Variants in FLT1 observed in about 807,000 individuals in gnomAD.
FLT1 encodes the protein fms related receptor tyrosine kinase 1, also known as vascular endothelial growth factor receptor 1.
FLT1 carries 49 observed loss-of-function variants against 156.3 expected under a neutral mutation model. The observed-to-expected ratio is 0.31, with a 90% CI of 0.25 to 0.40. FLT1 has a LOEUF of 0.40. FLT1 is among the 10% of genes least tolerant of loss of function. The pLI is 1.00. For missense variants in FLT1, 1,322 were observed against 1,637.2 expected, an observed-to-expected ratio of 0.81 and a Z score of 3.32; for synonymous variants, 594 against 583.8, an observed-to-expected ratio of 1.02 and a Z score of -0.25.
In FLT1 at chr13:28,303,253, G is replaced by A. The variant is rs1233434084; in HGVS notation, c.3931C>T (p.His1311Tyr). The change falls in exon 30 of 30, where the codon CAC (histidine) becomes TAC (tyrosine). Residue 1311 changes from histidine to tyrosine, a missense_variant. By Grantham distance (83) the His-to-Tyr change is moderately conservative. Coordinates refer to ENST00000282397, the MANE Select transcript of FLT1 (RefSeq NM_002019.4). Reference sequence around the variant, plus strand: ...GCGATTTTCCTTTCCAGCTCAGCGTGGTCGTAGGTGAACCTGCGCTTGCCT... The same window carrying A: ...GCGATTTTCCTTTCCAGCTCAGCGTAGTCGTAGGTGAACCTGCGCTTGCCT... ...SEGKRRFTYD[H>Y]AELERKIACC... is the part of the protein sequence containing the mutation. 1 of 1,613,974 alleles carries A rather than the reference G, an allele frequency of 6.2e-7. No individual in the cohort carries two copies. Among genetic ancestry groups the A allele is most frequent in the South Asian group, 1.1e-5 (1 of 91,068 alleles).
intron 10 of FLT1, among the ~76,000 whole-genome samples, chr13:28,412,365 T>TTTCCTTCCTTCCTTCC (rs1876302169): frequency 1.0e-5 from 1 of 95,312 alleles, no homozygotes; most frequent in African/African-American, 3.3e-5. Flanking sequence ...TCTTTCTTTC[T>TTTCCTTCCTTCCTTCC]TTCTTTCTTT....
chr13:28,395,988 A>AT (rs1875020361), intron 12 of FLT1, among the ~76,000 whole-genome samples: 1 of 152,216 alleles, frequency 6.6e-6, no homozygotes. Flanking sequence ...GACAGTGCAA[A>AT]CCTTTGTATT....
Position 28,384,927 on chromosome 13 carries a change from T to C in FLT1, c.2074A>G (p.Ile692Val). The C allele has an allele frequency of 6.2e-7, 1 of 1,614,158 alleles. No individual in the cohort carries two copies. Among genetic ancestry groups the C allele is most frequent in the Non-Finnish European group, 8.5e-7 (1 of 1,180,010 alleles). The change falls in exon 14 of 30, where the codon ATC becomes GTC. Residue 692 changes from isoleucine to valine, a missense_variant. This residue lies in a region of FLT1 where 991 missense variants were observed against 1,254.8 expected (regional missense o/e 0.79). Transcript: ENST00000282397. ...CHANGVPEPQ[I>V]TWFKNNHKIQ... ...TTGTGGTTGTTTTTAAACCAAGTGA[T>C]CTGAGGCTCGGGGACACCATTAGCA...
chr13:28,479,527 T>C (rs561786243), intron 1 of FLT1, among the ~76,000 whole-genome samples: 1 of 152,322 alleles, frequency 6.6e-6, no homozygotes, highest in East Asian at 1.9e-4. Flanking sequence ...AAAAATCTTA[T>C]CTTAGATGGA....
chr13:28,458,657 A>AG (rs1260973394), intron 3 of FLT1, among the ~76,000 whole-genome samples: 15 of 152,260 alleles, frequency 9.9e-5, no homozygotes, highest in Middle Eastern at 3.2e-3. Flanking sequence ...GGTCTTCTAT[A>AG]GTCAAGCTCC....
intron 8 of FLT1, among the ~76,000 whole-genome samples, chr13:28,428,964 C>T (rs1593782322): frequency 1.3e-5 from 2 of 151,900 alleles, no homozygotes; most frequent in African/African-American, 4.8e-5. Flanking sequence ...GCATTTTTGA[C>T]GGTGGATTGA....
chr13:28,410,548 C>T (rs1361627223), intron 10 of FLT1, among the ~76,000 whole-genome samples: 2 of 152,352 alleles, frequency 1.3e-5, no homozygotes, highest in South Asian at 2.1e-4. Context: ...GTCTGCTCTA[C>T]AGCCTTAGTC....
At chr13:28,461,732 T>G (rs1436534159) in intron 3 of FLT1, among the ~76,000 whole-genome samples, 5 of 152,202 alleles carry the variant, frequency 3.3e-5, no homozygotes, top group African/African-American at 1.2e-4. Flanking sequence ...GCTAAACACA[T>G]TTATATAAAA....
rs550958451 is a variant in FLT1 at position 28,461,132 on chromosome 13, C to T, written c.388+5771G>A. Among the ~76,000 whole-genome samples the T allele has an allele frequency of 2.1e-5, 3 of 145,914 alleles. No individual in the cohort carries two copies. The South Asian group carries it at 6.4e-4, about 31-fold the overall frequency. ...AGACTACAGGTGGATGCCCCAGCTC[C>T]TAGCTTTTTTTTTTTTAATGCAGGT... On this transcript the variant is annotated intron_variant, in intron 3 of 29. Coordinates refer to ENST00000282397, the MANE Select transcript of FLT1 (RefSeq NM_002019.4).
At chr13:28,411,223 C>G (rs544068527) in intron 10 of FLT1, among the ~76,000 whole-genome samples, 4 of 151,720 alleles carry the variant, frequency 2.6e-5, no homozygotes, top group Non-Finnish European at 5.9e-5. Flanking sequence ...TATAGGAACT[C>G]TTTACCTTCT....
chr13:28,387,748 C>T (rs1208969309), intron 13 of FLT1: 56 of 1,049,240 alleles, frequency 5.3e-5, no homozygotes, highest in Non-Finnish European at 6.2e-5. Context: ...CCCTTCATAC[C>T]CCAGGGTAAC....
At chr13:28,407,930 C>A (rs1335645481) in intron 10 of FLT1, among the ~76,000 whole-genome samples, 1 of 152,118 alleles carries the variant, frequency 6.6e-6, no homozygotes, top group Non-Finnish European at 1.5e-5. Flanking sequence ...TATAACATCC[C>A]CATGTTAATC....
intron 29 of FLT1, among the ~76,000 whole-genome samples, chr13:28,305,381 A>G (rs1430231917): frequency 6.6e-6 from 1 of 151,608 alleles, no homozygotes; most frequent in Admixed American, 6.6e-5. Context: ...ATGCCAGCAC[A>G]CCCCGGCTAA....
At chr13:28,440,250 G>A (rs944780343) in intron 3 of FLT1, among the ~76,000 whole-genome samples, 7 of 152,212 alleles carry the variant, frequency 4.6e-5, no homozygotes, top group African/African-American at 1.2e-4. Context: ...TTGTATTCAT[G>A]TCTGTCTCAT....
chr13:28,383,165 C>A (rs1874148249), intron 14 of FLT1, among the ~76,000 whole-genome samples: 1 of 151,866 alleles, frequency 6.6e-6, no homozygotes, highest in South Asian at 2.1e-4. Flanking sequence ...TGGTTTAAGT[C>A]TCGTTGTTTT....
intron 17 of FLT1, among the ~76,000 whole-genome samples, chr13:28,335,165 A>G (rs2138846821): frequency 6.6e-6 from 1 of 152,320 alleles, no homozygotes; most frequent in Non-Finnish European, 1.5e-5. Flanking sequence ...TAGAACCCAG[A>G]GAAATGGTGC....
rs768229981 is a variant in FLT1, at chr13:28,322,578, G to A, written c.2953+212C>T. On this transcript the variant is annotated intron_variant, in intron 21 of 29. Transcript: ENST00000282397. This position sits in a 1 kb window ranked among gnomAD's most constrained non-coding sequence, Gnocchi z 4.3. The stretch of plus-strand genomic sequence containing the variant: ...GGGCAGGGGGATGATCCATTAAGAT[G>A]AAAATCCCTGAGGGGAGAAAACGGT... 643 of 725,958 alleles carry A rather than the reference G, an allele frequency of 8.9e-4. 2 individuals are homozygous for A. Among genetic ancestry groups the A allele is most frequent in the Non-Finnish European group, 1.2e-3 (486 of 409,350 alleles). The allele number at this position is 725,958 out of a possible 1,614,324, so 45.0% of individuals were successfully genotyped here. A position where few individuals can be genotyped will look rare whatever the true frequency, so the allele number is the denominator to read the frequency against.
At chr13:28,339,620 A>T (rs1158626097) in intron 16 of FLT1, among the ~76,000 whole-genome samples, 3 of 152,228 alleles carry the variant, frequency 2.0e-5, no homozygotes, top group African/African-American at 7.2e-5. Flanking sequence ...CTTGCTAAAA[A>T]ATGCAAAGCA....
chr13:28,370,337 G>C (rs1873503253), intron 14 of FLT1, among the ~76,000 whole-genome samples: 1 of 152,160 alleles, frequency 6.6e-6, no homozygotes, highest in African/African-American at 2.4e-5. Context: ...GAGAGGGGAA[G>C]GATAGCATTA....
Sources: allele counts gnomAD v4.1 joint callset (sites outside exome capture counted in the v4.1 genomes callset), GRCh38; gene constraint gnomAD v4.1.1; regional missense constraint gnomAD v4.1.1; non-coding constraint Gnocchi (gnomAD v3.1); transcripts MANE v1.5; gene names NCBI Gene and HGNC (gene_info 2026-07-23, HGNC 2026-07-21).